Variants in WDR87 observed in about 807,000 individuals in gnomAD.
WDR87 encodes the protein WD repeat domain 87, also known as WD repeat-containing protein 87.
A neutral mutation model predicts 83.3 loss-of-function variants in WDR87; 56 were observed. That is an observed-to-expected ratio of 0.67 (90% CI 0.54 to 0.84). The LOEUF (loss-of-function observed/expected upper bound fraction) is 0.84, where lower values mean the gene tolerates loss of function less well. WDR87 is among the 40% of genes least tolerant of loss of function. The probability of loss-of-function intolerance (pLI) is 0.00; values close to 1 mark genes in which losing one functional copy is unlikely to be tolerated. For missense variants in WDR87, 2,939 were observed against 3,431.9 expected, an observed-to-expected ratio of 0.86 and a Z score of 3.59; for synonymous variants, 1,173 against 1,250.6, an observed-to-expected ratio of 0.94 and a Z score of 1.31.
At chr19:37,897,892 T>C (rs867017837) in intron 2 of WDR87, among the ~76,000 whole-genome samples, 24 of 152,060 alleles carry the variant, frequency 1.6e-4, no homozygotes, top group Middle Eastern at 3.4e-3. Flanking sequence ...TGTCTCAAAA[T>C]AAATAAAATA....
chr19:37,888,146 T>C lies in WDR87; in HGVS notation c.5525A>G (p.Glu1842Gly), dbSNP rs1387719165. The change falls in exon 6 of 6, where the codon GAG (glutamate) becomes GGG (glycine). Residue 1842 changes from glutamate to glycine, a missense_variant. Around this residue, in one of 3 missense-constraint regions of WDR87, gnomAD observed 2,160 missense variants for 2,533.1 expected, o/e 0.85. Coordinates refer to ENST00000447313, the MANE Select transcript of WDR87 (RefSeq NM_001291088.2). Reference protein sequence around the residue: ...EEEERLGRKREQLIEKKMKLA... With the variant: ...EEEERLGRKRGQLIEKKMKLA... ...TTTCATCTTCTTCTCAATCAATTGC[T>C]CCCTTTTCCGTCCCAGTCTTTCCTC... The C allele has an allele frequency of 4.5e-6, 7 of 1,552,130 alleles. No individual in the cohort carries two copies. In the Admixed American group the frequency reaches 1.4e-4, roughly 30 times the overall value.
intron 5 of WDR87, 137 bp from the exon 6 acceptor site, chr19:37,890,413 A>AAAC: frequency 6.3e-5 from 73 of 1,154,546 alleles, no homozygotes; most frequent in South Asian, 1.0e-4. Flanking sequence ...TAAAAAAAAA[A>AAAC]AGCATTCTCT....
chr19:37,885,452 C>T lies in WDR87; in HGVS notation c.8219G>A (p.Arg2740His), dbSNP rs185291608. The T allele has an allele frequency of 2.0e-4, 304 of 1,551,578 alleles. No individual in the cohort carries two copies. The highest frequency in any genetic ancestry group is 2.4e-4 in the Non-Finnish European group (274 of 1,147,012). ...QKDFWDFKDK[R>H]RFPKLPKLEK... ...TAACTTGGGCAGTTTAGGAAACCTG[C>T]GTTTATCCTTAAAATCCCAGAAGTC... Residue 2740 changes from arginine (R) to histidine (H), a missense_variant, in exon 6 of 6, where the codon CGC becomes CAC. Arg to His is a conservative substitution (Grantham distance 29). Coordinates refer to ENST00000447313, the MANE Select transcript of WDR87 (RefSeq NM_001291088.2).
intron 1 of WDR87, among the ~76,000 whole-genome samples, chr19:37,898,638 C>T (rs1023101286): frequency 6.6e-6 from 1 of 152,078 alleles, no homozygotes; most frequent in East Asian, 1.9e-4. Context: ...GTGGTGTGTC[C>T]GGAGAGCATT....
At position 37,887,642 on chromosome 19, in the gene WDR87, G is replaced by C. The variant is rs776376273; in HGVS notation, c.6029C>G (p.Ala2010Gly). ...KALNLEMKRL[A>G]EEKMRLVEGK... is the part of the protein sequence containing the mutation. ...CTCAACCAGTCTCATCTTCTCCTCA[G>C]CCAGTCTTTTCATTTCCAGGTTCAA... is the stretch of plus-strand genomic sequence containing the variant. The change falls in exon 6 of 6, where the codon GCT (alanine) becomes GGT (glycine). Residue 2010 changes from alanine to glycine, a missense_variant. Physicochemically the swap from Ala to Gly is moderately conservative, Grantham distance 60. Around this residue, in one of 3 missense-constraint regions of WDR87, gnomAD observed 2,160 missense variants for 2,533.1 expected, o/e 0.85. Transcript: ENST00000447313. The C allele has an allele frequency of 6.4e-7, 1 of 1,551,950 alleles. No individual in the cohort carries two copies. Among genetic ancestry groups the C allele is most frequent in the African/African-American group, 1.4e-5 (1 of 73,008 alleles).
chr19:37,897,746 G>A (rs59489006), intron 2 of WDR87, among the ~76,000 whole-genome samples: 71,789 of 151,754 alleles, frequency 0.47, 18,254 homozygotes, highest in East Asian at 0.73. Flanking sequence ...TTAGCTGGGC[G>A]TGGTGGCGTG....
Position 37,889,067 on chromosome 19 carries a change from A to T in WDR87, c.4604T>A (p.Leu1535Gln), listed in dbSNP as rs1382819629. ...EKRLLQEEEKLHQAGEKLSPE... is the reference protein window; with the variant it reads ...EKRLLQEEEKQHQAGEKLSPE... ...GGATAGCTTCTCTCCAGCCTGATGT[A>T]GTTTCTCCTCTTCCTGAAGAAGCCT... Residue 1535 changes from leucine (L) to glutamine (Q), a missense_variant, in exon 6 of 6, where the codon CTA becomes CAA. By Grantham distance (113) the Leu-to-Gln change is moderately radical. Transcript: ENST00000447313. The T allele has an allele frequency of 8.4e-6, 13 of 1,551,918 alleles. No homozygotes were observed. The Admixed American group carries it at 2.6e-4, about 30-fold the overall frequency.
At chr19:37,901,164 G>C (rs2046291593) in intron 1 of WDR87, among the ~76,000 whole-genome samples, 1 of 151,402 alleles carries the variant, frequency 6.6e-6, no homozygotes, top group Non-Finnish European at 1.5e-5. Flanking sequence ...CAGGTGCGGT[G>C]GCTCACGCCT....
At chr19:37,895,983 A>G in intron 3 of WDR87, 155 bp downstream of exon 3, 2 of 1,055,642 alleles carry the variant, frequency 1.9e-6, no homozygotes. Flanking sequence ...CCTACTCAAC[A>G]TGGGGACTAT....
chr19:37,893,279 G>T lies in WDR87; in HGVS notation c.2424C>A (p.Tyr808Ter). The part of the protein sequence containing the change: ...DGLNPYQILR[Y>*]YFGHGREWLF... ...GCCATTCCCGCCCATGACCAAAGTAGTATCGCAATATCTGATAGGGGTTGA... is the reference window on the plus strand; with the variant it reads ...GCCATTCCCGCCCATGACCAAAGTATTATCGCAATATCTGATAGGGGTTGA... Residue 808 changes from tyrosine (Y) to a stop codon, truncating the protein, a stop_gained, in exon 4 of 6, where the codon TAC becomes TAA. Transcript: ENST00000447313. LOFTEE classifies it high-confidence loss of function. 6.4e-7 allele frequency: 1 copy of T among 1,551,740 alleles called. No homozygotes were observed. Among genetic ancestry groups the T allele is most frequent in the Non-Finnish European group, 8.7e-7 (1 of 1,147,000 alleles).
intron 5 of WDR87, among the ~76,000 whole-genome samples, chr19:37,890,720 T>G (rs1472803468): frequency 6.6e-6 from 1 of 152,168 alleles, no homozygotes; most frequent in Non-Finnish European, 1.5e-5. Context: ...CTATCTACCC[T>G]TAACCTCTGG....
At position 37,886,635 on chromosome 19, in the gene WDR87, C is replaced by T; in HGVS notation, c.7036G>A (p.Glu2346Lys). The T allele has an allele frequency of 1.3e-6, 2 of 1,528,038 alleles. No individual in the cohort carries two copies. The highest frequency in any genetic ancestry group is 1.8e-6 in the Non-Finnish European group (2 of 1,131,460). The allele number at this position is 1,528,038 out of a possible 1,614,324, so 94.7% of individuals were successfully genotyped here. Residue 2346 changes from glutamate (E) to lysine (K), a missense_variant, in exon 6 of 6, where the codon GAG becomes AAG. Transcript: ENST00000447313. ...TCACTCATAATTTCTTCTTTCTCCT[C>T]AAACACTTCTTCCTTCTCCTGAACC... ...EEVQEKEEVFEEKEEIMSEEE... is the reference protein window; with the variant it reads ...EEVQEKEEVFKEKEEIMSEEE...
In WDR87 at chr19:37,895,300, C is replaced by T; in HGVS notation, c.403G>A (p.Asp135Asn). The T allele has an allele frequency of 6.4e-7, 1 of 1,551,680 alleles. No individual in the cohort carries two copies. The highest frequency in any genetic ancestry group is 8.7e-7 in the Non-Finnish European group (1 of 1,146,992). ...CGDLILRLFGDHFRAFKPLGK... is the reference protein window; with the variant it reads ...CGDLILRLFGNHFRAFKPLGK... ...AGGGGTTTGAATGCCCGAAAGTGGT[C>T]CCCAAAGAGTCGCAGGATCAGGTCA... Residue 135 changes from aspartate (D) to asparagine (N), a missense_variant, in exon 4 of 6, where the codon GAC becomes AAC. Asp to Asn is a conservative substitution (Grantham distance 23, BLOSUM62 1). This residue lies in a region of WDR87 where 226 missense variants were observed against 320.9 expected (regional missense o/e 0.70). Coordinates refer to ENST00000447313, the MANE Select transcript of WDR87 (RefSeq NM_001291088.2).
At chr19:37,896,485 A>T (rs1334270946) in intron 2 of WDR87, among the ~76,000 whole-genome samples, 177 bp from the exon 3 acceptor site, 1 of 152,204 alleles carries the variant, frequency 6.6e-6, no homozygotes, top group African/African-American at 2.4e-5. Flanking sequence ...CTTCACAAGC[A>T]TGTAACAAAT....
At position 37,894,316 on chromosome 19, in the gene WDR87, C is replaced by G. The variant is rs1437364013; in HGVS notation, c.1387G>C (p.Ala463Pro). The change falls in exon 4 of 6, where the codon GCT (alanine) becomes CCT (proline). Residue 463 changes from alanine to proline, a missense_variant. Around this residue, in one of 3 missense-constraint regions of WDR87, gnomAD observed 553 missense variants for 577.9 expected, o/e 0.96. Coordinates refer to ENST00000447313, the MANE Select transcript of WDR87 (RefSeq NM_001291088.2). Reference sequence around the variant, plus strand: ...CGCCCCAAGTTGAAATGCCCATAAGCCAGGCATTGTACAAAGTCCTGAGAA... The same window carrying G: ...CGCCCCAAGTTGAAATGCCCATAAGGCAGGCATTGTACAAAGTCCTGAGAA... Reference protein sequence around the residue: ...PNSQDFVQCLAYGHFNLGRGL... With the variant: ...PNSQDFVQCLPYGHFNLGRGL... 6.4e-7 allele frequency: 1 copy of G among 1,551,754 alleles called. No homozygotes were observed. Among genetic ancestry groups the G allele is most frequent in the Non-Finnish European group, 8.7e-7 (1 of 1,147,016 alleles).
In WDR87 at chr19:37,893,240, G is replaced by A. The variant is rs1320625067; in HGVS notation, c.2463C>T (p.Asp821=). The A allele has an allele frequency of 1.3e-6, 2 of 1,551,794 alleles. No homozygotes were observed. Among genetic ancestry groups the A allele is most frequent in the African/African-American group, 1.4e-5 (1 of 73,066 alleles). The change falls in exon 4 of 6, where the codon GAC becomes GAT. Residue 821 remains aspartate, a synonymous_variant. Transcript: ENST00000447313. ...GHGREWLFAP[D]CYIPNSVIRA... is the part of the protein sequence containing the mutation. Reference sequence around the variant, plus strand: ...GAATCACTGAATTGGGGATATAGCAGTCAGGGGCAAAAAGCCATTCCCGCC... The same window carrying A: ...GAATCACTGAATTGGGGATATAGCAATCAGGGGCAAAAAGCCATTCCCGCC...
Position 37,888,442 on chromosome 19 carries a change from T to C in WDR87, c.5229A>G (p.Glu1743=), listed in dbSNP as rs1202371578. Residue 1743 remains glutamate (E), a synonymous_variant, in exon 6 of 6, where the codon GAA becomes GAG. Coordinates refer to ENST00000447313, the MANE Select transcript of WDR87 (RefSeq NM_001291088.2). The stretch of plus-strand genomic sequence containing the variant: ...CCTTTTCTTGCCAGTCCAGATTTTG[T>C]TCCCTCTGGGGCAGTTCTTCCACTT... ...AQKVEELPQR[E]QNLDWQEKEL... 4 of 1,552,132 alleles carry C rather than the reference T, an allele frequency of 2.6e-6. No individual in the cohort carries two copies. Among genetic ancestry groups the C allele is most frequent in the Non-Finnish European group, 3.5e-6 (4 of 1,147,092 alleles).
rs1393915065 is a variant in WDR87 at position 37,889,816 on chromosome 19, T to C, written c.3855A>G (p.Leu1285=). 11 of 1,551,624 alleles carry C rather than the reference T, an allele frequency of 7.1e-6. No individual in the cohort carries two copies. The Admixed American group carries it at 1.4e-4, about 19-fold the overall frequency. Residue 1285 remains leucine, a synonymous_variant, in exon 6 of 6, where the codon CTA becomes CTG. Coordinates refer to ENST00000447313, the MANE Select transcript of WDR87 (RefSeq NM_001291088.2). ...AGDGSSWRDD[L]CRLMALRISG... is the part of the protein sequence containing the mutation. ...ATATCCTCAGGGCCATAAGACGACA[T>C]AGATCGTCCCTCCATGATGAGCCAT...
At chr19:37,897,256 G>A (rs1394583169) in intron 2 of WDR87, among the ~76,000 whole-genome samples, 2 of 130,992 alleles carry the variant, frequency 1.5e-5, no homozygotes, top group South Asian at 2.4e-4. Context: ...GCCCCATGCT[G>A]CAGTGCAGTG....
Sources: allele counts gnomAD v4.1 joint callset (sites outside exome capture counted in the v4.1 genomes callset), GRCh38; gene constraint gnomAD v4.1.1; regional missense constraint gnomAD v4.1.1; transcripts MANE v1.5; gene names NCBI Gene and HGNC (gene_info 2026-07-23, HGNC 2026-07-21).